The following FOSB variants were observed in gnomAD, a reference collection of about 807,000 sequenced individuals.
The protein encoded by FOSB is protein FosB.
In FOSB, 8 loss-of-function variants were observed where a neutral mutation model predicts 31.1. That is an observed-to-expected ratio of 0.26 (90% CI 0.15 to 0.46). FOSB has a LOEUF of 0.46. Ranked by LOEUF, FOSB falls within the 20% of genes least tolerant of loss-of-function variation. The pLI is 0.99. For synonymous variants in FOSB, 214 were observed against 206.1 expected (o/e 1.04, Z -0.33); for missense variants, 376 against 460.6 (o/e 0.82, Z 1.68).
chr19:45,471,496 T>TTC (rs554075650), intron 3 of FOSB, 195 bp downstream of exon 3: 3 of 377,124 alleles, frequency 8.0e-6, no homozygotes, highest in South Asian at 8.2e-5. Context: ...CAACTCCTGG[T>TTC]CCCCCCCCCA....
chr19:45,468,813 C>G lies in FOSB; in HGVS notation c.126+101C>G, dbSNP rs1307974389. On this transcript the variant is annotated intron_variant, in intron 1 of 3. Coordinates refer to ENST00000353609, the MANE Select transcript of FOSB (RefSeq NM_006732.3). This position sits in a 1 kb window ranked among gnomAD's most constrained non-coding sequence, Gnocchi z 4.8. ...CCCCCACAAAAAGGCGCATCAGAAC[C>G]CTAGATCTGAGATGGAAAAGGCTCA... 1.6e-6 allele frequency: 2 copies of G among 1,258,416 alleles called. No homozygotes were observed. Among genetic ancestry groups the G allele is most frequent in the Non-Finnish European group, 2.1e-6 (2 of 932,398 alleles). The allele number at this position is 1,258,416 out of a possible 1,614,324, so 78.0% of individuals were successfully genotyped here.
Position 45,474,284 on chromosome 19 carries a change from T to C in FOSB, c.*1272T>C, listed in dbSNP as rs1967780472. On this transcript the variant is annotated 3_prime_UTR_variant, in exon 4 of 4. Coordinates refer to ENST00000353609, the MANE Select transcript of FOSB (RefSeq NM_006732.3). ...GGCTTTGGTACCCCCAAACCCCCAA[T>C]ATTTTTGGACTGGCAGACTCAAGGG... The C allele has an allele frequency of 2.0e-5, 3 of 152,212 alleles. No homozygotes were observed. Among genetic ancestry groups the C allele is most frequent in the South Asian group, 2.1e-4 (1 of 4,804 alleles). 9.4% of individuals were successfully genotyped at this position (152,212 alleles called of 1,614,324 possible).
At chr19:45,471,073 C>T (rs976981951) in intron 2 of FOSB, 121 bp from the exon 3 acceptor site, 7 of 1,331,048 alleles carry the variant, frequency 5.3e-6, no homozygotes, top group Non-Finnish European at 7.4e-6. Context: ...ATCCTTGCTA[C>T]ACGAGCGAGG....
intron 1 of FOSB, chr19:45,470,283 G>T (rs1967599519): frequency 9.9e-6 from 3 of 303,332 alleles, no homozygotes; most frequent in Non-Finnish European, 1.2e-5. Context: ...CTGTGGCTCC[G>T]TCCCGGGGGT....
In FOSB at chr19:45,468,641, C is replaced by A; in HGVS notation, c.55C>A (p.Pro19Thr). 6.2e-7 allele frequency: 1 copy of A among 1,613,780 alleles called. No homozygotes were observed. Among genetic ancestry groups the A allele is most frequent in the Non-Finnish European group, 8.5e-7 (1 of 1,179,886 alleles). ...YDSGSRCSSS[P>T]SAESQYLSSV... Reference sequence around the variant, plus strand: ...CTCCGGCTCCCGGTGCAGCTCCTCACCCTCTGCCGAGTCTCAATATCTGTC... The same window carrying A: ...CTCCGGCTCCCGGTGCAGCTCCTCAACCTCTGCCGAGTCTCAATATCTGTC... The change falls in exon 1 of 4, where the codon CCC (proline) becomes ACC (threonine). Residue 19 changes from proline (P) to threonine (T), a missense_variant. Coordinates refer to ENST00000353609, the MANE Select transcript of FOSB (RefSeq NM_006732.3). The surrounding 1 kb of genome is among the most constrained non-coding windows in gnomAD (Gnocchi z 4.8).
At position 45,468,422 on chromosome 19, in the gene FOSB, T is replaced by G; in HGVS notation, c.-165T>G. ...TGCCATTGTTGGAACGGGACGTTGC[T>G]CCTTCCCCGAGCTTCCCCGGACAGC... On this transcript the variant is annotated 5_prime_UTR_variant, in exon 1 of 4. Coordinates refer to ENST00000353609, the MANE Select transcript of FOSB (RefSeq NM_006732.3). This position sits in a 1 kb window ranked among gnomAD's most constrained non-coding sequence, Gnocchi z 4.8. The G allele has an allele frequency of 2.8e-6, 2 of 724,856 alleles. No homozygotes were observed. Among genetic ancestry groups the G allele is most frequent in the East Asian group, 5.3e-5 (2 of 37,770 alleles). 44.9% of individuals were successfully genotyped at this position (724,856 alleles called of 1,614,324 possible).
rs1967497117 is a variant in FOSB, at chr19:45,468,500, C to T, written c.-87C>T. ...GGGGACTCCCACGGCTCACCCCGGACTTGCACCTTACTTCCCCAACCCGGC... is the reference window on the plus strand; with the variant it reads ...GGGGACTCCCACGGCTCACCCCGGATTTGCACCTTACTTCCCCAACCCGGC... On this transcript the variant is annotated 5_prime_UTR_variant, in exon 1 of 4. Coordinates refer to ENST00000353609, the MANE Select transcript of FOSB (RefSeq NM_006732.3). The surrounding 1 kb of genome is among the most constrained non-coding windows in gnomAD (Gnocchi z 4.8). 1.4e-6 allele frequency: 2 copies of T among 1,458,274 alleles called. No homozygotes were observed. The highest frequency in any genetic ancestry group is 1.9e-6 in the Non-Finnish European group (2 of 1,079,612). 90.3% of individuals were successfully genotyped at this position (1,458,274 alleles called of 1,614,324 possible).
chr19:45,468,952 G>A lies in FOSB; in HGVS notation c.126+240G>A, dbSNP rs1466667929. 6.6e-6 allele frequency among the ~76,000 whole-genome samples: 1 copy of A among 152,168 alleles called. No homozygotes were observed. Among genetic ancestry groups the A allele is most frequent in the Non-Finnish European group, 1.5e-5 (1 of 68,018 alleles). On this transcript the variant is annotated intron_variant, in intron 1 of 3. Transcript: ENST00000353609. This position sits in a 1 kb window ranked among gnomAD's most constrained non-coding sequence, Gnocchi z 4.8. ...TAGGCTTTGGGGCGAGGTGGGGGTG[G>A]GGTGGGTAATGCGCTGCTCAATGCA... is the stretch of plus-strand genomic sequence containing the variant.
chr19:45,471,278 G>T lies in FOSB; in HGVS notation c.532G>T (p.Glu178Ter). The T allele has an allele frequency of 6.4e-7, 1 of 1,565,018 alleles. No homozygotes were observed. The part of the protein sequence containing the change: ...AAAKCRNRRR[E>*]LTDRLQAETD... ...AGCTAAATGCAGGAACCGGCGGAGG[G>T]AGCTGACCGACCGACTCCAGGCGGT... The change falls in exon 3 of 4, where the codon GAG becomes TAG. Residue 178 changes from glutamate (E) to a stop codon, truncating the protein, a stop_gained. Transcript: ENST00000353609. LOFTEE classifies it high-confidence loss of function.
In FOSB at chr19:45,473,906, A is replaced by G. The variant is rs28381257; in HGVS notation, c.*894A>G. 0.016 allele frequency: 2,495 copies of G among 152,558 alleles called. 67 individuals carry two copies. Among genetic ancestry groups the G allele is most frequent in the African/African-American group, 0.058 (2,383 of 41,422 alleles). The allele number at this position is 152,558 out of a possible 1,614,324, so 9.5% of individuals were successfully genotyped here. ...CTGGAGTGATTTATACTGTGAAATG[A>G]GTTGGCCAGATTGTGGGGTGCAGCT... On this transcript the variant is annotated 3_prime_UTR_variant, in exon 4 of 4. Coordinates refer to ENST00000353609, the MANE Select transcript of FOSB (RefSeq NM_006732.3).
chr19:45,468,726 A>C lies in FOSB; in HGVS notation c.126+14A>C. On this transcript the variant is annotated intron_variant, in intron 1 of 3. Coordinates refer to ENST00000353609, the MANE Select transcript of FOSB (RefSeq NM_006732.3). This position sits in a 1 kb window ranked among gnomAD's most constrained non-coding sequence, Gnocchi z 4.8. Reference sequence around the variant, plus strand: ...GCCGCCTCCCAGGTAAGTTTTTGATAGTAGGGGTGCTGCTTTGTAGGTTTT... The same window carrying C: ...GCCGCCTCCCAGGTAAGTTTTTGATCGTAGGGGTGCTGCTTTGTAGGTTTT... 6.3e-7 allele frequency: 1 copy of C among 1,597,142 alleles called. No individual in the cohort carries two copies. The highest frequency in any genetic ancestry group is 8.5e-7 in the Non-Finnish European group (1 of 1,174,874).
rs1599887539 is a variant in FOSB, at chr19:45,470,341, G to C, written c.127-288G>C. The C allele has an allele frequency of 8.9e-6, 4 of 451,774 alleles. 1 individual carries two copies. The highest frequency in any genetic ancestry group is 7.0e-5 in the South Asian group (2 of 28,550). The allele number at this position is 451,774 out of a possible 1,614,324, so 28.0% of individuals were successfully genotyped here. ...CCTCCTCTCCACCCCCCATACCTAA[G>C]AGTCACCAACCCGGGGTGTGATTCA... On this transcript the variant is annotated intron_variant, in intron 1 of 3. Coordinates refer to ENST00000353609, the MANE Select transcript of FOSB (RefSeq NM_006732.3).
At chr19:45,471,440 G>C (rs2276471) in intron 3 of FOSB, 139 bp downstream of exon 3, 39,953 of 645,884 alleles carry the variant, frequency 0.062, 1,791 homozygotes, top group East Asian at 0.15. Context: ...GCTGTGGCCA[G>C]ACTGGGTAGC....
rs529194837 is a variant in FOSB, at chr19:45,471,352, C to T, written c.555+51C>T. The T allele has an allele frequency of 8.8e-5, 113 of 1,286,128 alleles. 1 individual carries two copies. The South Asian group carries it at 1.4e-3, about 16-fold the overall frequency. 79.7% of individuals were successfully genotyped at this position (1,286,128 alleles called of 1,614,324 possible). A position where few individuals can be genotyped will look rare whatever the true frequency, so the allele number is the denominator to read the frequency against. On this transcript the variant is annotated intron_variant, in intron 3 of 3. Coordinates refer to ENST00000353609, the MANE Select transcript of FOSB (RefSeq NM_006732.3). ...AGGGGATGTTGAGGGGAGCTCTCTC[C>T]CCATTCTCTGCCCCCTCTCCACCTG... is the stretch of plus-strand genomic sequence containing the variant.
Position 45,470,935 on chromosome 19 carries a change from C to A in FOSB, c.433C>A (p.Pro145Thr). ...CCCAGCCCGAGCCCGGCCTAGGAGA[C>A]CCCGAGAGGAGACGGTGAGTAAGGG... Reference protein sequence around the residue: ...ARPARARPRRPREETLTPEEE... With the variant: ...ARPARARPRRTREETLTPEEE... The change falls in exon 2 of 4, where the codon CCC becomes ACC. Residue 145 changes from proline (P) to threonine (T), a missense_variant. Transcript: ENST00000353609. 6.2e-7 allele frequency: 1 copy of A among 1,611,902 alleles called. No homozygotes were observed. Among genetic ancestry groups the A allele is most frequent in the Admixed American group, 1.7e-5 (1 of 60,014 alleles).
In FOSB at chr19:45,470,779, G is replaced by C. The variant is rs946749683; in HGVS notation, c.277G>C (p.Val93Leu). The C allele has an allele frequency of 8.1e-6, 13 of 1,613,926 alleles. No individual in the cohort carries two copies. Among genetic ancestry groups the C allele is most frequent in the Non-Finnish European group, 1.1e-5 (13 of 1,180,020 alleles). Residue 93 changes from valine to leucine, a missense_variant, in exon 2 of 4, where the codon GTC (valine) becomes CTC (leucine). Val to Leu is a conservative substitution (Grantham distance 32). Around this residue, in one of 3 missense-constraint regions of FOSB, gnomAD observed 193 missense variants for 207.1 expected, o/e 0.93. Transcript: ENST00000353609. ...QGQPLASQPP[V>L]VDPYDMPGTS... is the part of the protein sequence containing the mutation. ...GCAGCCACTGGCCTCCCAGCCCCCG[G>C]TCGTCGACCCCTACGACATGCCGGG...
chr19:45,470,357 G>A (rs1309593611), intron 1 of FOSB: 2 of 479,958 alleles, frequency 4.2e-6, no homozygotes, highest in East Asian at 3.3e-5. Context: ...CCAACCCGGG[G>A]TGTGATTCAC....
Position 45,470,700 on chromosome 19 carries a change from C to T in FOSB, c.198C>T (p.Asp66=). 1.2e-6 allele frequency: 2 copies of T among 1,613,696 alleles called. No homozygotes were observed. Among genetic ancestry groups the T allele is most frequent in the Non-Finnish European group, 1.7e-6 (2 of 1,180,002 alleles). ...PTVTAITTSQ[D]LQWLVQPTLI... ...TCACCGCGATCACAACCAGCCAGGA[C>T]CTCCAGTGGCTTGTGCAACCCACCC... Residue 66 remains aspartate, a synonymous_variant, in exon 2 of 4, where the codon GAC becomes GAT. Coordinates refer to ENST00000353609, the MANE Select transcript of FOSB (RefSeq NM_006732.3).
chr19:45,472,607 C>A lies in FOSB; in HGVS notation c.612C>A (p.Leu204=). 1 of 1,542,862 alleles carries A rather than the reference C, an allele frequency of 6.5e-7. No homozygotes were observed. The highest frequency in any genetic ancestry group is 8.7e-7 in the Non-Finnish European group (1 of 1,148,210). ...KAELESEIAE[L]QKEKERLEFV... The stretch of plus-strand genomic sequence containing the variant: ...AGCTGGAGTCGGAGATCGCCGAGCT[C>A]CAAAAGGAGAAGGAACGTCTGGAGT... Residue 204 remains leucine, a synonymous_variant, in exon 4 of 4, where the codon CTC becomes CTA. Coordinates refer to ENST00000353609, the MANE Select transcript of FOSB (RefSeq NM_006732.3). The surrounding 1 kb of genome is among the most constrained non-coding windows in gnomAD (Gnocchi z 5.4).
Sources: gnomAD v4.1 joint callset for allele counts (sites outside exome capture counted in the v4.1 genomes callset) on GRCh38, gnomAD v4.1.1 for gene constraint, gnomAD v4.1.1 regional missense constraint, Gnocchi (gnomAD v3.1) non-coding constraint, MANE v1.5 for transcripts, NCBI Gene and HGNC (gene_info 2026-07-23, HGNC 2026-07-21) for gene names.